UGT1A7: variants seen among roughly 807,000 people sequenced by gnomAD.
UGT1A7 encodes the protein UDP-glucuronosyltransferase 1A7.
A neutral mutation model predicts 45.6 loss-of-function variants in UGT1A7; 33 were observed. That is an observed-to-expected ratio of 0.72 (90% CI 0.55 to 0.97). The LOEUF (loss-of-function observed/expected upper bound fraction) is 0.97, where lower values mean the gene tolerates loss of function less well. UGT1A7 is among the 50% of genes least tolerant of loss of function. The pLI is 0.00. For synonymous variants in UGT1A7, 274 were observed against 250.6 expected, an observed-to-expected ratio of 1.09 and a Z score of -0.88; for missense variants, 684 against 666.2, an observed-to-expected ratio of 1.03 and a Z score of -0.29.
Position 233,768,325 on chromosome 2 carries a change from A to G in UGT1A7, c.1181A>G (p.Gln394Arg). 2.5e-6 allele frequency: 4 copies of G among 1,614,222 alleles called. No homozygotes were observed. The highest frequency in any genetic ancestry group is 3.4e-6 in the Non-Finnish European group (4 of 1,180,032). ...PMVMMPLFGDQMDNAKRMETK... is the reference protein window; with the variant it reads ...PMVMMPLFGDRMDNAKRMETK... ...GTGATGATGCCCTTGTTTGGTGATCAGATGGACAATGCAAAGCGCATGGAG... is the reference window on the plus strand; with the variant it reads ...GTGATGATGCCCTTGTTTGGTGATCGGATGGACAATGCAAAGCGCATGGAG... The change falls in exon 4 of 5, where the codon CAG becomes CGG. Residue 394 changes from glutamine (Q) to arginine (R), a missense_variant. Physicochemically the swap from Gln to Arg is conservative, Grantham distance 43 (BLOSUM62 1). Coordinates refer to ENST00000373426, the MANE Select transcript of UGT1A7 (RefSeq NM_019077.3).
rs8330 is a variant in UGT1A7 at position 233,772,999 on chromosome 2, G to C, written c.*440G>C. ...ATAATGGTCAGTCCTCATCTCTGTC[G>C]TGCTTCATAGGTGCCACCTTGTGTG... On this transcript the variant is annotated 3_prime_UTR_variant, in exon 5 of 5. Transcript: ENST00000373426. 179,059 of 238,554 alleles carry C rather than the reference G, an allele frequency of 0.75. 68,191 individuals carry two copies. Among genetic ancestry groups the C allele is most frequent in the East Asian group, 0.88 (8,737 of 9,894 alleles). The allele number at this position is 238,554 out of a possible 1,614,324, so 14.8% of individuals were successfully genotyped here.
At chr2:233,741,636 G>A (rs776299256) in intron 1 of UGT1A7, 1 of 151,906 alleles carries the variant, frequency 6.6e-6, no homozygotes, top group Non-Finnish European at 1.5e-5. Flanking sequence ...GCCCCTGTGG[G>A]ATGGTGCCAG....
chr2:233,713,886 A>T (rs745467291), intron 1 of UGT1A7: 80 of 1,613,392 alleles, frequency 5.0e-5, no homozygotes, highest in Non-Finnish European at 6.3e-5. Context: ...TATCCAATCA[A>T]TGTTCCAGGC....
intron 1 of UGT1A7, among the ~76,000 whole-genome samples, chr2:233,683,732 C>A (rs2074647819): frequency 6.6e-6 from 1 of 152,060 alleles, no homozygotes; most frequent in Non-Finnish European, 1.5e-5. Flanking sequence ...GCAATTTTCC[C>A]ATTTCTCTTT....
At chr2:233,688,087 T>C (rs1438237954) in intron 1 of UGT1A7, among the ~76,000 whole-genome samples, 1 of 152,198 alleles carries the variant, frequency 6.6e-6, no homozygotes, top group Non-Finnish European at 1.5e-5. Context: ...TGGCAGTCAC[T>C]CCTTATTTCT....
At chr2:233,697,092 C>T (rs1373676838) in intron 1 of UGT1A7, among the ~76,000 whole-genome samples, 1 of 151,956 alleles carries the variant, frequency 6.6e-6, no homozygotes, top group Admixed American at 6.6e-5. Context: ...ACTGGTCTCA[C>T]AGGATGAGTT....
intron 1 of UGT1A7, among the ~76,000 whole-genome samples, chr2:233,715,364 AT>A (rs1460416152): frequency 6.7e-6 from 1 of 149,952 alleles, no homozygotes; most frequent in African/African-American, 2.4e-5. Context: ...TGAGACTTAT[AT>A]TTTCTTCACA....
intron 1 of UGT1A7, among the ~76,000 whole-genome samples, chr2:233,727,580 T>C (rs17863793): frequency 3.9e-5 from 6 of 152,020 alleles, no homozygotes; most frequent in African/African-American, 1.4e-4. Flanking sequence ...TTAGGAAGCA[T>C]ATAGTTTTAA....
At chr2:233,710,056 C>A (rs2076108009) in intron 1 of UGT1A7, among the ~76,000 whole-genome samples, 1 of 152,224 alleles carries the variant, frequency 6.6e-6, no homozygotes, top group Admixed American at 6.5e-5. Context: ...TTTGGCTCGG[C>A]ATAATGTCTC....
chr2:233,713,670 G>C (rs200994534), intron 1 of UGT1A7: 39 of 1,613,840 alleles, frequency 2.4e-5, no homozygotes, highest in East Asian at 1.8e-4. Context: ...TTGCCATGCT[G>C]TTTCTGCTCC....
At chr2:233,712,938 T>A (rs985876029) in intron 1 of UGT1A7, 1 of 1,612,346 alleles carries the variant, frequency 6.2e-7, no homozygotes. Context: ...AAGGAAACAA[T>A]TCTAGGAGGC....
At chr2:233,755,148 T>TAGC in intron 1 of UGT1A7, 2 of 1,299,464 alleles carry the variant, frequency 1.5e-6, no homozygotes, top group East Asian at 9.2e-5. Context: ...TCTCACCGCT[T>TAGC]CCTCCCTGTC....
intron 1 of UGT1A7, among the ~76,000 whole-genome samples, chr2:233,707,383 T>C (rs1304644263): frequency 6.6e-6 from 1 of 151,716 alleles, no homozygotes; most frequent in Non-Finnish European, 1.5e-5. Context: ...TCAGCATCCA[T>C]GAGCTATTCT....
rs1697701353 is a variant in UGT1A7, at chr2:233,761,179, G to A, written c.856-5855G>A. ...GTGTATTGGAGTGGGACTTTTACAT[G>A]CGTATATTCTTTCAGATGTATTACT... On this transcript the variant is annotated intron_variant, in intron 1 of 4. Transcript: ENST00000373426. 3 of 1,614,024 alleles carry A rather than the reference G, an allele frequency of 1.9e-6. No individual in the cohort carries two copies. In the South Asian group the frequency reaches 3.3e-5, roughly 18 times the overall value.
At chr2:233,730,362 G>A (rs1205514330) in intron 1 of UGT1A7, among the ~76,000 whole-genome samples, 3 of 152,178 alleles carry the variant, frequency 2.0e-5, no homozygotes, top group Non-Finnish European at 4.4e-5. Context: ...TTTTTTGCTA[G>A]CATGATTTTC....
In UGT1A7 at chr2:233,769,879, A is replaced by C; in HGVS notation, c.1295+1440A>C. 5 of 413,904 alleles carry C rather than the reference A, an allele frequency of 1.2e-5. No individual in the cohort carries two copies. The highest frequency in any genetic ancestry group is 4.6e-5 in the East Asian group (1 of 21,696). 25.6% of individuals were successfully genotyped at this position (413,904 alleles called of 1,614,324 possible). ...TCTCAAAAAAAAAAAAAAAAATGAA[A>C]AGTCCACATAACCTGAGCATCATGT... On this transcript the variant is annotated intron_variant, in intron 4 of 4. Coordinates refer to ENST00000373426, the MANE Select transcript of UGT1A7 (RefSeq NM_019077.3). The surrounding 1 kb of genome is among the most constrained non-coding windows in gnomAD (Gnocchi z 4.4).
At chr2:233,743,457 A>C in intron 1 of UGT1A7, 1 of 1,366,076 alleles carries the variant, frequency 7.3e-7, no homozygotes. Context: ...AAGAAGAAAA[A>C]ACACCCCCAA....
chr2:233,741,316 A>C (rs1691627687), intron 1 of UGT1A7, among the ~76,000 whole-genome samples: 7 of 151,556 alleles, frequency 4.6e-5, no homozygotes, highest in Admixed American at 4.6e-4. Context: ...ACACCAACTC[A>C]TTCTACTCTA....
chr2:233,742,647 G>A (rs1292075508), intron 1 of UGT1A7: 1 of 152,020 alleles, frequency 6.6e-6, no homozygotes, highest in African/African-American at 2.4e-5. Context: ...GTATACCACC[G>A]ACCAACCATG....
Sources: allele counts gnomAD v4.1 joint callset (sites outside exome capture counted in the v4.1 genomes callset), GRCh38; gene constraint gnomAD v4.1.1; non-coding constraint Gnocchi (gnomAD v3.1); transcripts MANE v1.5; gene names NCBI Gene and HGNC (gene_info 2026-07-23, HGNC 2026-07-21).